Variants in CGNL1 observed in about 807,000 individuals in gnomAD.
The protein encoded by CGNL1 is cingulin like 1, also known as cingulin-like protein 1.
In CGNL1, 132 loss-of-function variants were observed where a neutral mutation model predicts 141.2. That is an observed-to-expected ratio of 0.93 (90% CI 0.81 to 1.08). The LOEUF (loss-of-function observed/expected upper bound fraction) is 1.08, where lower values mean the gene tolerates loss of function less well. CGNL1 is among the 50% of genes least tolerant of loss of function. The pLI, the probability that CGNL1 is intolerant of heterozygous loss-of-function variation, is 0.00. For missense variants in CGNL1, 1,870 were observed against 1,588.6 expected (o/e 1.18, Z -3.01); for synonymous variants, 690 against 622.1 (o/e 1.11, Z -1.63).
At chr15:57,422,182 T>C (rs1261344658) in intron 1 of CGNL1, among the ~76,000 whole-genome samples, 1 of 151,862 alleles carries the variant, frequency 6.6e-6, no homozygotes, top group African/African-American at 2.4e-5. Flanking sequence ...GTTTCTTCCT[T>C]TTTTCTCTTC....
At chr15:57,393,120 C>A (rs1401791717) in intron 1 of CGNL1, among the ~76,000 whole-genome samples, 1 of 152,146 alleles carries the variant, frequency 6.6e-6, no homozygotes, top group African/African-American at 2.4e-5. Context: ...TTACATTGTG[C>A]CATAGTCTTA....
chr15:57,435,407 G>GGTTTTTTTTTTTTT (rs1291475942), intron 1 of CGNL1, among the ~76,000 whole-genome samples: 2 of 96,864 alleles, frequency 2.1e-5, no homozygotes, highest in Non-Finnish European at 2.3e-5. Flanking sequence ...AAATTTGCAG[G>GGTTTTTTTTTTTTT]TTTTTTTGTT....
chr15:57,402,934 A>G (rs1287459232), intron 1 of CGNL1, among the ~76,000 whole-genome samples: 1 of 152,198 alleles, frequency 6.6e-6, no homozygotes, highest in Non-Finnish European at 1.5e-5. Context: ...GGCAGAAGAC[A>G]TTGGAGATTC....
chr15:57,531,644 C>G (rs199723227), intron 13 of CGNL1, 46 bp from the exon 14 acceptor site: 5 of 1,254,258 alleles, frequency 4.0e-6, no homozygotes, highest in South Asian at 1.2e-5. Context: ...CTGTTAATCC[C>G]GGTCAGTGCA....
rs868713227 is a variant in CGNL1, at chr15:57,439,446, C to T, written c.1447C>T (p.Arg483Cys). 4.3e-6 allele frequency: 7 copies of T among 1,614,178 alleles called. No individual in the cohort carries two copies. The highest frequency in any genetic ancestry group is 3.3e-5 in the South Asian group (3 of 91,084). The change falls in exon 2 of 19, where the codon CGT becomes TGT. Residue 483 changes from arginine to cysteine, a missense_variant. Physicochemically the swap from Arg to Cys is radical, Grantham distance 180. Transcript: ENST00000281282. ...TEGSQESTVI[R>C]APSLGAQSKK... Reference sequence around the variant, plus strand: ...AGGTAGTCAGGAAAGTACAGTGATCCGTGCGCCCTCCCTTGGTGCACAGAG... The same window carrying T: ...AGGTAGTCAGGAAAGTACAGTGATCTGTGCGCCCTCCCTTGGTGCACAGAG...
At chr15:57,445,873 A>G (rs1179372956) in intron 4 of CGNL1, among the ~76,000 whole-genome samples, 1 of 152,228 alleles carries the variant, frequency 6.6e-6, no homozygotes, top group Non-Finnish European at 1.5e-5. Flanking sequence ...GAAGAAGAAG[A>G]AGAAAAAAAG....
intron 8 of CGNL1, among the ~76,000 whole-genome samples, chr15:57,489,860 A>G (rs2922223): frequency 0.96 from 146,722 of 152,284 alleles, 70,874 homozygotes; most frequent in Non-Finnish European, 1. Flanking sequence ...TCAAGTTAGG[A>G]TTACTGCCAT....
intron 6 of CGNL1, 99 bp downstream of exon 6, chr15:57,452,388 T>C (rs896998524): frequency 6.4e-6 from 7 of 1,090,056 alleles, no homozygotes; most frequent in African/African-American, 3.2e-5. Context: ...CTTCCAAATA[T>C]TTATAAAGGC....
intron 3 of CGNL1, among the ~76,000 whole-genome samples, chr15:57,440,759 G>A (rs2063176563): frequency 6.6e-6 from 1 of 152,130 alleles, no homozygotes; most frequent in South Asian, 2.1e-4. Context: ...GATAGGAGGA[G>A]TTTCTACTCT....
In CGNL1 at chr15:57,461,234, A is replaced by T. The variant is rs145430051; in HGVS notation, c.2191-446A>T. On this transcript the variant is annotated intron_variant, in intron 7 of 18. Coordinates refer to ENST00000281282, the MANE Select transcript of CGNL1 (RefSeq NM_032866.5). ...AAAAACAGGCAAAGTTGTCCTGAGT[A>T]CGAGGAATGTGGATGAAGGGTTTGA... is the stretch of plus-strand genomic sequence containing the variant. Among the ~76,000 whole-genome samples the T allele has an allele frequency of 1.0e-3, 159 of 152,304 alleles. 1 individual carries two copies. The highest frequency in any genetic ancestry group is 3.7e-3 in the African/African-American group (152 of 41,568).
intron 8 of CGNL1, among the ~76,000 whole-genome samples, chr15:57,512,046 A>G (rs1371332154): frequency 6.6e-6 from 1 of 152,174 alleles, no homozygotes; most frequent in Non-Finnish European, 1.5e-5. Context: ...TCCCCAGGGA[A>G]CTTCCACTTG....
chr15:57,507,961 T>G (rs1197586944), intron 8 of CGNL1, among the ~76,000 whole-genome samples: 1 of 152,204 alleles, frequency 6.6e-6, no homozygotes, highest in East Asian at 1.9e-4. Flanking sequence ...GTTAAATGAT[T>G]TGTCTGTCGT....
At chr15:57,502,350 T>G (rs966435301) in intron 8 of CGNL1, among the ~76,000 whole-genome samples, 6 of 152,174 alleles carry the variant, frequency 3.9e-5, no homozygotes, top group Non-Finnish European at 8.8e-5. Context: ...AGGCTTGTTT[T>G]GAGAGGCAGT....
At chr15:57,459,051 C>A (rs1486211010) in intron 7 of CGNL1, among the ~76,000 whole-genome samples, 4 of 152,318 alleles carry the variant, frequency 2.6e-5, no homozygotes, top group Non-Finnish European at 5.9e-5. Context: ...TAAAATGTTT[C>A]TTCCCTCATC....
intron 1 of CGNL1, chr15:57,394,105 G>GTTTTTTTTT (rs1491022136): frequency 3.5e-5 from 1 of 28,660 alleles, no homozygotes; most frequent in African/African-American, 8.9e-5. Context: ...ATTTCTGTTT[G>GTTTTTTTTT]TTTTTTTTTT....
At chr15:57,536,824 A>G (rs964582012) in intron 14 of CGNL1, among the ~76,000 whole-genome samples, 1 of 152,198 alleles carries the variant, frequency 6.6e-6, no homozygotes, top group Non-Finnish European at 1.5e-5. Flanking sequence ...TAGGAGGTGG[A>G]GTCACAGTTT....
At chr15:57,518,273 A>G in intron 9 of CGNL1, 120 bp from the exon 10 acceptor site, 3 of 715,722 alleles carry the variant, frequency 4.2e-6, no homozygotes, top group South Asian at 3.6e-5. Context: ...TGACAGGTGC[A>G]TTGTGACCAT....
chr15:57,534,453 G>A lies in CGNL1; in HGVS notation c.3291+2674G>A, dbSNP rs183237613. On this transcript the variant is annotated intron_variant, in intron 14 of 18. Transcript: ENST00000281282. Reference sequence around the variant, plus strand: ...AGAGAAATGGGTGGGCCAAATACCCGCCTCCCTGGAAAGCATCTCATTCTC... The same window carrying A: ...AGAGAAATGGGTGGGCCAAATACCCACCTCCCTGGAAAGCATCTCATTCTC... 1.6e-4 allele frequency among the ~76,000 whole-genome samples: 25 copies of A among 152,288 alleles called. No individual in the cohort carries two copies. In the East Asian group the frequency reaches 4.2e-3, roughly 26 times the overall value.
chr15:57,536,428 C>A (rs1567175803), intron 14 of CGNL1, among the ~76,000 whole-genome samples: 1 of 152,106 alleles, frequency 6.6e-6, no homozygotes, highest in Non-Finnish European at 1.5e-5. Flanking sequence ...GTTTTTCAAA[C>A]CTCTTGGATG....
Sources: allele counts gnomAD v4.1 joint callset (sites outside exome capture counted in the v4.1 genomes callset), GRCh38; gene constraint gnomAD v4.1.1; transcripts MANE v1.5; gene names NCBI Gene and HGNC (gene_info 2026-07-23, HGNC 2026-07-21).